Variants in DYSF observed in about 807,000 individuals in gnomAD.
DYSF encodes dysferlin.
Under a neutral mutation model 274.9 loss-of-function variants are expected in DYSF, and 212 were observed. The observed-to-expected ratio is 0.77, with a 90% confidence interval of 0.69 to 0.86. The LOEUF is 0.86. Ranked by LOEUF, DYSF falls within the 40% of genes least tolerant of loss-of-function variation. The pLI is 0.00. For missense variants in DYSF, 2,666 were observed against 2,783.2 expected (o/e 0.96, Z 0.95); for synonymous variants, 1,091 against 1,078.7 (o/e 1.01, Z -0.22).
intron 48 of DYSF, 31 bp from the exon 49 acceptor site, chr2:71,668,723 G>C (rs759591295): frequency 4.4e-6 from 7 of 1,605,168 alleles, no homozygotes; most frequent in South Asian, 2.2e-5. Flanking sequence ...AAATGAGAAG[G>C]GTGGGGAGAG....
intron 26 of DYSF, among the ~76,000 whole-genome samples, chr2:71,568,911 C>T (rs1230597848): frequency 7.4e-5 from 11 of 148,902 alleles, no homozygotes; most frequent in East Asian, 2.0e-4. Flanking sequence ...CTCGCTCGGT[C>T]GCCCAGGCTG....
In DYSF at chr2:71,664,253, C is replaced by T; in HGVS notation, c.5004-15C>T. The T allele has an allele frequency of 6.2e-7, 1 of 1,613,894 alleles. No individual in the cohort carries two copies. Among genetic ancestry groups the T allele is most frequent in the Non-Finnish European group, 8.5e-7 (1 of 1,179,864 alleles). On this transcript the variant is annotated splice_polypyrimidine_tract_variant and intron_variant, in intron 45 of 55. Coordinates refer to ENST00000410020, the MANE Select transcript of DYSF (RefSeq NM_001130987.2). The stretch of plus-strand genomic sequence containing the variant: ...CCCCGTGTTGGCTGACATCGGGAAT[C>T]TGCCCCTCCTGCAGGATGTTCGAGC...
chr2:71,574,243 C>T lies in DYSF; in HGVS notation c.3274C>T (p.Leu1092Phe). The change falls in exon 30 of 56, where the codon CTT (leucine) becomes TTT (phenylalanine). Residue 1092 changes from leucine to phenylalanine, a missense_variant. By Grantham distance (22) the Leu-to-Phe change is conservative (BLOSUM62 0). Around this residue, in one of 3 missense-constraint regions of DYSF, gnomAD observed 1,460 missense variants for 1,502.1 expected, o/e 0.97. Transcript: ENST00000410020. Reference sequence around the variant, plus strand: ...GGGCGAGGGCTGGGAGTACGCCTCTCTTTTTGGCTGGAAGTTCCACCTCGA... The same window carrying T: ...GGGCGAGGGCTGGGAGTACGCCTCTTTTTTTGGCTGGAAGTTCCACCTCGA... Reference protein sequence around the residue: ...AEGEGWEYASLFGWKFHLEYR... With the variant: ...AEGEGWEYASFFGWKFHLEYR... 6.2e-7 allele frequency: 1 copy of T among 1,614,054 alleles called. No homozygotes were observed. The highest frequency in any genetic ancestry group is 1.1e-5 in the South Asian group (1 of 91,082).
At chr2:71,593,665 C>T (rs183230938) in intron 32 of DYSF, among the ~76,000 whole-genome samples, 93 of 152,312 alleles carry the variant, frequency 6.1e-4, no homozygotes, top group African/African-American at 2.2e-3. Flanking sequence ...TGGTGTTTCT[C>T]ACAGGGAACC....
chr2:71,669,056 G>C, intron 49 of DYSF, 56 bp from the exon 50 acceptor site: 1 of 1,483,378 alleles, frequency 6.7e-7, no homozygotes, highest in Non-Finnish European at 9.2e-7. Flanking sequence ...GCTTCTTAAG[G>C]CCTTCCCATC....
At chr2:71,515,562 A>G in intron 7 of DYSF, 61 bp from the exon 8 acceptor site, 1 of 1,612,628 alleles carries the variant, frequency 6.2e-7, no homozygotes, top group Non-Finnish European at 8.5e-7. Context: ...CTTGGGGTGG[A>G]TGGTGGGTGG....
At chr2:71,618,427 G>A (rs1484919462) in intron 40 of DYSF, among the ~76,000 whole-genome samples, 9 of 141,516 alleles carry the variant, frequency 6.4e-5, no homozygotes, top group Admixed American at 1.4e-4. Flanking sequence ...GTGTGTGGTA[G>A]AGGTGGGGTG....
intron 41 of DYSF, among the ~76,000 whole-genome samples, chr2:71,624,644 T>G (rs2094173918): frequency 6.6e-6 from 1 of 152,214 alleles, no homozygotes; most frequent in African/African-American, 2.4e-5. Context: ...TGTGTAATAG[T>G]AGGAAACCTA....
At position 71,593,481 on chromosome 2, in the gene DYSF, A is replaced by G. The variant is rs759089457; in HGVS notation, c.3574+3193A>G. Among the ~76,000 whole-genome samples the G allele has an allele frequency of 1.2e-4, 19 of 152,086 alleles. 1 individual carries two copies. Among genetic ancestry groups the G allele is most frequent in the Non-Finnish European group, 8.8e-5 (6 of 68,010 alleles). On this transcript the variant is annotated intron_variant, in intron 32 of 55. Transcript: ENST00000410020. ...GGGGTGGGGTTCCCACTGCTTTGTG[A>G]ACATCTGTTGTATGTACTGGGTTTG...
At chr2:71,473,988 G>A (rs2082223696) in intron 1 of DYSF, among the ~76,000 whole-genome samples, 1 of 139,926 alleles carries the variant, frequency 7.1e-6, no homozygotes, top group South Asian at 2.3e-4. Context: ...GAGCAATGGT[G>A]TGATCTTGGC....
At chr2:71,606,577 A>G (rs371757331) in intron 36 of DYSF, among the ~76,000 whole-genome samples, 2 of 152,186 alleles carry the variant, frequency 1.3e-5, no homozygotes, top group East Asian at 3.9e-4. Flanking sequence ...CCAGAAAAAA[A>G]GTTGAAAACC....
chr2:71,685,538 G>T (rs916890259), intron 55 of DYSF, among the ~76,000 whole-genome samples: 1 of 152,254 alleles, frequency 6.6e-6, no homozygotes, highest in Non-Finnish European at 1.5e-5. Context: ...TGGGACAGAG[G>T]CTGCCTGCCC....
chr2:71,594,168 T>G (rs1209181769), intron 32 of DYSF, among the ~76,000 whole-genome samples: 1 of 152,142 alleles, frequency 6.6e-6, no homozygotes, highest in Non-Finnish European at 1.5e-5. Flanking sequence ...TTCCCTCAGA[T>G]TCAGACTCAG....
chr2:71,556,820 C>T (rs2091372397), intron 22 of DYSF, among the ~76,000 whole-genome samples: 1 of 152,190 alleles, frequency 6.6e-6, no homozygotes, highest in Non-Finnish European at 1.5e-5. Context: ...AATTGCCCCT[C>T]TGCTCTCCAC....
intron 36 of DYSF, among the ~76,000 whole-genome samples, chr2:71,607,004 G>C (rs779433403): frequency 1.3e-5 from 2 of 152,156 alleles, no homozygotes; most frequent in African/African-American, 2.4e-5. Flanking sequence ...TTGGACGGGG[G>C]AATTCAGCTA....
chr2:71,686,192 G>A lies in DYSF; in HGVS notation c.6322-262G>A, dbSNP rs1166158279. 3.3e-5 allele frequency among the ~76,000 whole-genome samples: 5 copies of A among 152,190 alleles called. No homozygotes were observed. In the East Asian group the frequency reaches 9.6e-4, roughly 29 times the overall value. ...CTTTGGCCCCCAGGTGGGAGGGTGCGGGTGGAGTTTCGGAGGGTATGGGTT... is the reference window on the plus strand; with the variant it reads ...CTTTGGCCCCCAGGTGGGAGGGTGCAGGTGGAGTTTCGGAGGGTATGGGTT... On this transcript the variant is annotated intron_variant, in intron 55 of 55. Transcript: ENST00000410020.
intron 3 of DYSF, among the ~76,000 whole-genome samples, chr2:71,500,463 C>T (rs1209848424): frequency 6.6e-6 from 1 of 152,008 alleles, no homozygotes; most frequent in Non-Finnish European, 1.5e-5. Context: ...ATTTCATGGC[C>T]CCAAAAAGCA....
At chr2:71,461,875 T>C (rs1019601878), upstream of DYSF, among the ~76,000 whole-genome samples, 1 of 152,222 alleles carries the variant, frequency 6.6e-6, no homozygotes, top group African/African-American at 2.4e-5. Flanking sequence ...GTTTGCCTCC[T>C]GGACACCCCA....
intron 33 of DYSF, among the ~76,000 whole-genome samples, chr2:71,598,957 C>T (rs190115858): frequency 2.0e-5 from 3 of 152,352 alleles, no homozygotes; most frequent in African/African-American, 7.2e-5. Flanking sequence ...TGGAAGGGAA[C>T]ATATCCGGAA....
Sources: gnomAD v4.1 joint callset for allele counts (sites outside exome capture counted in the v4.1 genomes callset) on GRCh38, gnomAD v4.1.1 for gene constraint, gnomAD v4.1.1 regional missense constraint, MANE v1.5 for transcripts, NCBI Gene and HGNC (gene_info 2026-07-23, HGNC 2026-07-21) for gene names.